Variants in CARF observed in about 807,000 individuals in gnomAD.
The protein encoded by CARF is calcium-responsive transcription factor.
Under a neutral mutation model 82.0 loss-of-function variants are expected in CARF, and 57 were observed. That is an observed-to-expected ratio of 0.70 (90% CI 0.56 to 0.87). CARF has a LOEUF of 0.87. Ranked by LOEUF, CARF falls within the 40% of genes least tolerant of loss-of-function variation. The pLI is 0.00. For synonymous variants in CARF, 268 were observed against 290.1 expected, an observed-to-expected ratio of 0.92 and a Z score of 0.77; for missense variants, 771 against 855.8, an observed-to-expected ratio of 0.90 and a Z score of 1.24.
chr2:202,966,433 G>A (rs1437140087), intron 9 of CARF, among the ~76,000 whole-genome samples: 1 of 152,190 alleles, frequency 6.6e-6, no homozygotes, highest in Non-Finnish European at 1.5e-5. Context: ...ATGTCAGGTG[G>A]GATGCAGTGG....
chr2:202,946,866 C>A (rs369784179), intron 5 of CARF, among the ~76,000 whole-genome samples: 4 of 151,952 alleles, frequency 2.6e-5, no homozygotes, highest in East Asian at 1.9e-4. Flanking sequence ...ATGTGGCCAA[C>A]AAACATAAAA....
intron 7 of CARF, among the ~76,000 whole-genome samples, chr2:202,954,579 G>C (rs1574660096): frequency 6.6e-6 from 1 of 151,814 alleles, no homozygotes; most frequent in Admixed American, 6.6e-5. Context: ...TGGGTGTGGT[G>C]GTGGGCACCT....
rs1275240859 is a variant in CARF at position 202,987,612 on chromosome 2, T to C, written c.*3988T>C. 6.6e-6 allele frequency among the ~76,000 whole-genome samples: 1 copy of C among 152,212 alleles called. No individual in the cohort carries two copies. Among genetic ancestry groups the C allele is most frequent in the East Asian group, 1.9e-4 (1 of 5,206 alleles). On this transcript the variant is annotated 3_prime_UTR_variant, in exon 17 of 17. Transcript: ENST00000438828. ...ATTTTACTGTTGAATAATACAAGTA[T>C]TCATTGCTGACTGAATTCTTAAAAC...
intron 2 of CARF, among the ~76,000 whole-genome samples, chr2:202,919,366 A>G (rs1228505942): frequency 2.6e-5 from 4 of 152,212 alleles, no homozygotes; most frequent in Admixed American, 2.6e-4. Context: ...AAAAAAAATA[A>G]AATTAGGCTA....
chr2:202,920,939 AATAAT>A (rs1455150759), intron 2 of CARF, among the ~76,000 whole-genome samples: 1 of 152,204 alleles, frequency 6.6e-6, no homozygotes, highest in African/African-American at 2.4e-5. Context: ...TCAGTCAATA[AATAAT>A]AGTTAAATGA....
chr2:202,938,024 A>G (rs1574563660), intron 3 of CARF, among the ~76,000 whole-genome samples: 1 of 152,314 alleles, frequency 6.6e-6, no homozygotes, highest in Admixed American at 6.5e-5. Context: ...TATAATAATC[A>G]TAGCATGTAA....
chr2:202,933,544 G>A (rs1412373700), intron 3 of CARF, among the ~76,000 whole-genome samples: 1 of 152,170 alleles, frequency 6.6e-6, no homozygotes, highest in African/African-American at 2.4e-5. Flanking sequence ...GCTGCAGGGA[G>A]TTCTTCCTGG....
At chr2:202,961,196 G>T in intron 8 of CARF, 41 bp from the exon 9 acceptor site, 1 of 1,488,082 alleles carries the variant, frequency 6.7e-7, no homozygotes, top group Non-Finnish European at 9.3e-7. Flanking sequence ...ATGCAATGAA[G>T]TGTATTGCTA....
intron 14 of CARF, among the ~76,000 whole-genome samples, chr2:202,977,885 A>G (rs1408958758): frequency 6.6e-6 from 1 of 152,090 alleles, no homozygotes. Context: ...TCACTCTGTC[A>G]CCCAGACTGG....
chr2:202,946,889 C>T (rs772453354), intron 5 of CARF, among the ~76,000 whole-genome samples: 4 of 151,838 alleles, frequency 2.6e-5, no homozygotes, highest in Non-Finnish European at 5.9e-5. Flanking sequence ...TCATCATCAT[C>T]GGTCATTAGA....
At chr2:202,952,408 T>G (rs907574396) in intron 5 of CARF, 151 bp from the exon 6 acceptor site, 1 of 728,626 alleles carries the variant, frequency 1.4e-6, no homozygotes, top group Non-Finnish European at 2.0e-6. Flanking sequence ...AAAAAATGTT[T>G]ATGTGCCTCA....
At chr2:202,914,199 G>T (rs1249185680) in intron 1 of CARF, among the ~76,000 whole-genome samples, 1 of 152,044 alleles carries the variant, frequency 6.6e-6, no homozygotes, top group Non-Finnish European at 1.5e-5. Flanking sequence ...TTACTATATG[G>T]TCCTCATGGA....
intron 3 of CARF, chr2:202,925,277 TG>T (rs1286704921): frequency 5.6e-6 from 2 of 357,918 alleles, no homozygotes; most frequent in East Asian, 7.2e-5. Context: ...GAATCTCACC[TG>T]GAAGAGCTGA....
chr2:202,925,554 T>C, intron 3 of CARF: 1 of 232,372 alleles, frequency 4.3e-6, no homozygotes, highest in Non-Finnish European at 8.7e-6. Context: ...ATGACCTGCG[T>C]CACATGAAGA....
chr2:202,969,920 A>T lies in CARF; in HGVS notation c.955A>T (p.Ile319Phe). ...QLYKATCPAR[I>F]YIKKVQKFPE... ...AATTCTTCTTTATCTTGTATAAAGGATTTACATTAAAAAGGTACAGAAGTT... is the reference window on the plus strand; with the variant it reads ...AATTCTTCTTTATCTTGTATAAAGGTTTTACATTAAAAAGGTACAGAAGTT... Residue 319 changes from isoleucine (I) to phenylalanine (F), a missense_variant and splice_region_variant, in exon 11 of 17, where the codon ATT becomes TTT. Coordinates refer to ENST00000438828, the MANE Select transcript of CARF (RefSeq NM_024744.17). 1 of 1,490,272 alleles carries T rather than the reference A, an allele frequency of 6.7e-7. No homozygotes were observed. The highest frequency in any genetic ancestry group is 1.4e-5 in the African/African-American group (1 of 69,062). The allele number at this position is 1,490,272 out of a possible 1,614,324, so 92.3% of individuals were successfully genotyped here. A position where few individuals can be genotyped will look rare whatever the true frequency, so the allele number is the denominator to read the frequency against.
chr2:202,913,191 C>T (rs1373823466), intron 1 of CARF, 89 bp downstream of exon 1: 1 of 152,042 alleles, frequency 6.6e-6, no homozygotes, highest in Non-Finnish European at 1.5e-5. Context: ...TTTAAATGAA[C>T]GCCTAATATT....
chr2:202,960,145 A>G (rs2059240926), intron 8 of CARF, among the ~76,000 whole-genome samples: 1 of 152,228 alleles, frequency 6.6e-6, no homozygotes, highest in Non-Finnish European at 1.5e-5. Flanking sequence ...TAGTTACTAA[A>G]TTCTGTGCCT....
At chr2:202,935,368 T>C (rs972139780) in intron 3 of CARF, among the ~76,000 whole-genome samples, 4 of 149,094 alleles carry the variant, frequency 2.7e-5, no homozygotes, top group African/African-American at 9.8e-5. Context: ...ATGAAGCCAG[T>C]GTACAATTAT....
At chr2:202,943,627 C>CACACACAT (rs2058346056) in intron 5 of CARF, among the ~76,000 whole-genome samples, 1 of 120,304 alleles carries the variant, frequency 8.3e-6, no homozygotes, top group Non-Finnish European at 2.0e-5. Flanking sequence ...CACACACACA[C>CACACACAT]ACATATTAGG....
Sources: gnomAD v4.1 joint callset for allele counts (sites outside exome capture counted in the v4.1 genomes callset) on GRCh38, gnomAD v4.1.1 for gene constraint, MANE v1.5 for transcripts, NCBI Gene and HGNC (gene_info 2026-07-23, HGNC 2026-07-21) for gene names.